The following MAN1A1 variants were observed in gnomAD, a reference collection of about 807,000 sequenced individuals.
MAN1A1 encodes mannosidase alpha class 1A member 1, also known as mannosyl-oligosaccharide 1,2-alpha-mannosidase IA.
In MAN1A1, 29 loss-of-function variants were observed where a neutral mutation model predicts 70.8. That is an observed-to-expected ratio of 0.41 (90% CI 0.31 to 0.56). The LOEUF (loss-of-function observed/expected upper bound fraction) is 0.56. MAN1A1 is among the 20% of genes least tolerant of loss of function. MAN1A1 has a pLI of 0.29. For missense variants in MAN1A1, 747 were observed against 841.3 expected (o/e 0.89, Z 1.39); for synonymous variants, 349 against 330.1 (o/e 1.06, Z -0.62).
At chr6:119,322,913 C>T (rs1218990349) in intron 2 of MAN1A1, among the ~76,000 whole-genome samples, 2 of 152,136 alleles carry the variant, frequency 1.3e-5, no homozygotes, top group African/African-American at 4.8e-5. Context: ...TAACTGAGCC[C>T]ACAGCAAGGT....
intron 6 of MAN1A1, among the ~76,000 whole-genome samples, chr6:119,211,599 A>T (rs943498617): frequency 6.6e-6 from 1 of 152,198 alleles, no homozygotes; most frequent in African/African-American, 2.4e-5. Context: ...CTTATAGCCA[A>T]TTTAAGGAAA....
At chr6:119,280,190 T>C (rs1373991522) in intron 5 of MAN1A1, among the ~76,000 whole-genome samples, 1 of 152,216 alleles carries the variant, frequency 6.6e-6, no homozygotes, top group African/African-American at 2.4e-5. Flanking sequence ...TAGTTGTTGA[T>C]GACTCATGGG....
chr6:119,180,286 A>G (rs17080860), intron 12 of MAN1A1, 26 bp downstream of exon 12: 17 of 1,513,746 alleles, frequency 1.1e-5, no homozygotes, highest in Middle Eastern at 1.7e-4. Flanking sequence ...CCTTAGCCAC[A>G]TGGTTTTAGA....
intron 5 of MAN1A1, among the ~76,000 whole-genome samples, chr6:119,278,699 T>C (rs1011802002): frequency 2.6e-5 from 4 of 152,146 alleles, no homozygotes; most frequent in African/African-American, 9.7e-5. Context: ...TAGGAGGTGT[T>C]TGGATCATGG....
intron 2 of MAN1A1, among the ~76,000 whole-genome samples, chr6:119,319,076 A>G (rs1772930754): frequency 1.3e-5 from 2 of 152,276 alleles, no homozygotes; most frequent in Non-Finnish European, 2.9e-5. Flanking sequence ...GCTCTCTTCT[A>G]TGGTTTCATC....
intron 2 of MAN1A1, among the ~76,000 whole-genome samples, chr6:119,321,378 G>A (rs144372067): frequency 4.6e-5 from 7 of 152,220 alleles, no homozygotes; most frequent in African/African-American, 1.7e-4. Flanking sequence ...GCTGTCCTTG[G>A]CTTAGGACTC....
intron 6 of MAN1A1, among the ~76,000 whole-genome samples, chr6:119,233,203 T>TA (rs1774736862): frequency 6.6e-6 from 1 of 152,164 alleles, no homozygotes; most frequent in Non-Finnish European, 1.5e-5. Flanking sequence ...ACCCAACCAA[T>TA]ATTAGAGAGT....
upstream of MAN1A1, chr6:119,349,869 G>A: frequency 1.8e-6 from 1 of 542,738 alleles, no homozygotes; most frequent in East Asian, 1.5e-4. Flanking sequence ...CGCGGGGGCG[G>A]GGCCGAGGCG....
intron 5 of MAN1A1, among the ~76,000 whole-genome samples, chr6:119,280,263 T>C (rs1254614858): frequency 6.6e-6 from 1 of 152,224 alleles, no homozygotes; most frequent in Non-Finnish European, 1.5e-5. Context: ...TGCTACTCAG[T>C]AGCTGGGAGC....
At chr6:119,320,918 T>G (rs1349290144) in intron 2 of MAN1A1, among the ~76,000 whole-genome samples, 1 of 152,224 alleles carries the variant, frequency 6.6e-6, no homozygotes, top group African/African-American at 2.4e-5. Context: ...TTAAACAGCT[T>G]CAGCTTTGTG....
intron 6 of MAN1A1, among the ~76,000 whole-genome samples, chr6:119,238,983 C>T (rs994626409): frequency 6.6e-6 from 1 of 152,020 alleles, no homozygotes; most frequent in Non-Finnish European, 1.5e-5. Context: ...TTCCGCCTCC[C>T]GGGTTCATGC....
At chr6:119,319,819 A>G (rs1453242097) in intron 2 of MAN1A1, among the ~76,000 whole-genome samples, 1 of 152,168 alleles carries the variant, frequency 6.6e-6, no homozygotes, top group African/African-American at 2.4e-5. Flanking sequence ...TATTGGTCAA[A>G]GTTCCAGCCA....
chr6:119,235,199 T>C (rs1774808401), intron 6 of MAN1A1, among the ~76,000 whole-genome samples: 1 of 152,200 alleles, frequency 6.6e-6, no homozygotes, highest in African/African-American at 2.4e-5. Context: ...AAAGTGAGAA[T>C]CGCATGCCTC....
intron 2 of MAN1A1, among the ~76,000 whole-genome samples, chr6:119,318,497 G>A (rs1246385404): frequency 6.6e-6 from 1 of 152,096 alleles, no homozygotes; most frequent in Non-Finnish European, 1.5e-5. Flanking sequence ...TCCAAATAAA[G>A]TGTTACTCAT....
intron 2 of MAN1A1, among the ~76,000 whole-genome samples, chr6:119,337,272 A>G (rs1773478053): frequency 6.6e-6 from 1 of 152,206 alleles, no homozygotes; most frequent in Non-Finnish European, 1.5e-5. Flanking sequence ...GTAAAAAAAA[A>G]AAATCAAAAA....
At chr6:119,302,495 C>CCTTA (rs1245892506) in intron 3 of MAN1A1, among the ~76,000 whole-genome samples, 1 of 152,070 alleles carries the variant, frequency 6.6e-6, no homozygotes, top group Non-Finnish European at 1.5e-5. Context: ...GATTCTCCTA[C>CCTTA]CTTAGCCTCC....
chr6:119,349,956 C>G (rs989384676), upstream of MAN1A1, among the ~76,000 whole-genome samples: 4 of 151,930 alleles, frequency 2.6e-5, no homozygotes, highest in East Asian at 5.8e-4. Context: ...GGGGAGGTCG[C>G]GGGGCCGGGA....
Position 119,348,970 on chromosome 6 carries a change from G to T in MAN1A1, c.96C>A (p.Gly32=). The T allele has an allele frequency of 6.6e-7, 1 of 1,506,200 alleles. No homozygotes were observed. Among genetic ancestry groups the T allele is most frequent in the Non-Finnish European group, 8.9e-7 (1 of 1,126,916 alleles). 93.3% of individuals were successfully genotyped at this position (1,506,200 alleles called of 1,614,324 possible). A position where few individuals can be genotyped will look rare whatever the true frequency, so the allele number is the denominator to read the frequency against. ...LGGGGGRKGS[G]PAALRLTEKF... is the part of the protein sequence containing the mutation. ...TCTCCGTCAGGCGGAGGGCGGCGGG[G>T]CCCGACCCCTTCCTGCCACCGCCGC... Residue 32 remains glycine (G), a synonymous_variant, in exon 2 of 13, where the codon GGC becomes GGA. Coordinates refer to ENST00000368468, the MANE Select transcript of MAN1A1 (RefSeq NM_005907.4).
rs999325564 is a variant in MAN1A1 at position 119,177,665 on chromosome 6, T to G, written c.*2154A>C. On this transcript the variant is annotated 3_prime_UTR_variant, in exon 13 of 13. Coordinates refer to ENST00000368468, the MANE Select transcript of MAN1A1 (RefSeq NM_005907.4). ...TAATCTCTTATCTTGTTTACATTTT[T>G]GGTGTTTTGGGACTTTTGTTAAAAA... 6.6e-5 allele frequency: 10 copies of G among 152,098 alleles called. No homozygotes were observed. Among genetic ancestry groups the G allele is most frequent in the African/African-American group, 2.4e-4 (10 of 41,450 alleles). 9.4% of individuals were successfully genotyped at this position (152,098 alleles called of 1,614,324 possible).
Sources: gnomAD v4.1 joint callset for allele counts (sites outside exome capture counted in the v4.1 genomes callset) on GRCh38, gnomAD v4.1.1 for gene constraint, MANE v1.5 for transcripts, NCBI Gene and HGNC (gene_info 2026-07-23, HGNC 2026-07-21) for gene names.